The following MCTP1 variants were observed in gnomAD, a reference collection of about 807,000 sequenced individuals.
MCTP1 encodes the protein multiple C2 and transmembrane domain containing 1.
In MCTP1, 69 loss-of-function variants were observed where a neutral mutation model predicts 120.6. The observed-to-expected ratio is 0.57, with a 90% confidence interval of 0.47 to 0.70. The LOEUF (loss-of-function observed/expected upper bound fraction) is 0.70. MCTP1 is among the 30% of genes least tolerant of loss of function. The pLI, the probability that MCTP1 is intolerant of heterozygous loss-of-function variation, is 0.00. For synonymous variants in MCTP1, 529 were observed against 493.1 expected (o/e 1.07, Z -0.96); for missense variants, 1,203 against 1,248.8 (o/e 0.96, Z 0.55).
Position 95,091,517 on chromosome 5 carries a change from T to TGGAACACACACACAGTGGA in MCTP1, c.721-74034_721-74033insTCCACTGTGTGTGTGTTCC, listed in dbSNP as rs535482619. Among the ~76,000 whole-genome samples, 33 of 152,290 alleles carry TGGAACACACACACAGTGGA rather than the reference T, an allele frequency of 2.2e-4. No homozygotes were observed. The South Asian group carries it at 6.8e-3, about 32-fold the overall frequency. ...GCTAGAACATAAAAGGTTGTGCAGC[T>TGGAACACACACACAGTGGA]ACCCCCTTGCTCAGTGGAACAGTCT... On this transcript the variant is annotated intron_variant, in intron 1 of 22. Transcript: ENST00000515393.
intron 1 of MCTP1, among the ~76,000 whole-genome samples, chr5:95,276,954 AAAAC>A (rs375143230): frequency 1.2e-4 from 19 of 152,044 alleles, no homozygotes; most frequent in African/African-American, 3.6e-4. Context: ...TCGGTCTCAA[AAAAC>A]AAACAAACAA....
intron 3 of MCTP1, among the ~76,000 whole-genome samples, chr5:94,948,906 A>G (rs1020881335): frequency 6.6e-6 from 1 of 152,170 alleles, no homozygotes; most frequent in African/African-American, 2.4e-5. Context: ...AATTTTGGAC[A>G]GGACAGTAAT....
chr5:95,210,545 T>C (rs201239291), intron 1 of MCTP1, among the ~76,000 whole-genome samples: 20,476 of 146,396 alleles, frequency 0.14, 1,296 homozygotes, highest in Middle Eastern at 0.19. Context: ...TCCTCCATCC[T>C]TTTATTTTGA....
In MCTP1 at chr5:94,931,958, T is replaced by G. The variant is rs1814791282; in HGVS notation, c.1207A>C (p.Ser403Arg). 6.2e-7 allele frequency: 1 copy of G among 1,603,672 alleles called. No individual in the cohort carries two copies. The highest frequency in any genetic ancestry group is 1.8e-4 in the Middle Eastern group (1 of 5,532). ...MLMRKSWKRS[S>R]KELSENEVVG... ...GATCACAAGCTAAGAATTACCTTAC[T>G]TGATCTTTTCCAACTCTTCCTCATT... The change falls in exon 6 of 23, where the codon AGT becomes CGT. Residue 403 changes from serine (S) to arginine (R), a missense_variant. Physicochemically the swap from Ser to Arg is moderately radical, Grantham distance 110. Coordinates refer to ENST00000515393, the MANE Select transcript of MCTP1 (RefSeq NM_024717.7).
intron 1 of MCTP1, among the ~76,000 whole-genome samples, chr5:95,059,604 A>G (rs1481206868): frequency 6.6e-6 from 1 of 152,024 alleles, no homozygotes; most frequent in African/African-American, 2.4e-5. Flanking sequence ...GGTCAAATAC[A>G]AAAAAAAGAC....
chr5:94,871,304 A>C lies in MCTP1; in HGVS notation c.2139+11T>G. 2.0e-6 allele frequency: 3 copies of C among 1,531,938 alleles called. No homozygotes were observed. Among genetic ancestry groups the C allele is most frequent in the Non-Finnish European group, 1.8e-6 (2 of 1,105,502 alleles). The allele number at this position is 1,531,938 out of a possible 1,614,324, so 94.9% of individuals were successfully genotyped here. On this transcript the variant is annotated intron_variant, in intron 14 of 22. Coordinates refer to ENST00000515393, the MANE Select transcript of MCTP1 (RefSeq NM_024717.7). ...CAACACAGAACAGTGTGTCAGGTGAATAAAACTTACAGACAGCAATGGTAT... is the reference window on the plus strand; with the variant it reads ...CAACACAGAACAGTGTGTCAGGTGACTAAAACTTACAGACAGCAATGGTAT...
At chr5:95,067,941 C>G (rs974652500) in intron 1 of MCTP1, among the ~76,000 whole-genome samples, 6 of 152,160 alleles carry the variant, frequency 3.9e-5, no homozygotes, top group Non-Finnish European at 8.8e-5. Flanking sequence ...GACCCTTTCC[C>G]CATCCCTCTG....
rs148060055 is a variant in MCTP1 at position 94,931,791 on chromosome 5, A to G, written c.1212+162T>C. 190 of 642,282 alleles carry G rather than the reference A, an allele frequency of 3.0e-4. No individual in the cohort carries two copies. In the African/African-American group the frequency reaches 3.2e-3, roughly 11 times the overall value. 39.8% of individuals were successfully genotyped at this position (642,282 alleles called of 1,614,324 possible). On this transcript the variant is annotated intron_variant, in intron 6 of 22. Transcript: ENST00000515393. Reference sequence around the variant, plus strand: ...GAAGCTATTGATCGGTGTGATTTCTATTTAAAAAACATCACATGGTTGGCT... The same window carrying G: ...GAAGCTATTGATCGGTGTGATTTCTGTTTAAAAAACATCACATGGTTGGCT...
At chr5:94,807,738 G>A (rs1782656461) in intron 17 of MCTP1, among the ~76,000 whole-genome samples, 1 of 152,080 alleles carries the variant, frequency 6.6e-6, no homozygotes, top group Non-Finnish European at 1.5e-5. Flanking sequence ...TTTGGCGGGT[G>A]AAGCCAAAGT....
intron 7 of MCTP1, among the ~76,000 whole-genome samples, chr5:94,919,836 C>T (rs770064126): frequency 1.3e-5 from 2 of 152,214 alleles, no homozygotes; most frequent in Non-Finnish European, 2.9e-5. Context: ...CTGCCATCCA[C>T]CCATCCTCTC....
chr5:94,872,991 A>C (rs1798104774), intron 13 of MCTP1, 148 bp downstream of exon 13: 1 of 612,496 alleles, frequency 1.6e-6, no homozygotes, highest in Admixed American at 3.3e-5. Context: ...AGGTAGGAGG[A>C]AAATTCATTG....
rs533773992 is a variant in MCTP1 at position 95,278,737 on chromosome 5, C to T, written c.720+5119G>A. Among the ~76,000 whole-genome samples, 7 of 151,752 alleles carry T rather than the reference C, an allele frequency of 4.6e-5. No individual in the cohort carries two copies. In the East Asian group the frequency reaches 9.7e-4, roughly 21 times the overall value. On this transcript the variant is annotated intron_variant, in intron 1 of 22. Coordinates refer to ENST00000515393, the MANE Select transcript of MCTP1 (RefSeq NM_024717.7). ...CAACACCTTGGGAGGCCGAGGTGAG[C>T]GGATCACCTGAGGTCGGGAGTTCGA...
At chr5:95,027,403 T>C (rs1388643732) in intron 1 of MCTP1, among the ~76,000 whole-genome samples, 48 of 152,166 alleles carry the variant, frequency 3.2e-4, no homozygotes, top group Admixed American at 3.1e-3. Context: ...AGAGCATTAG[T>C]AGGCAAAGAT....
At chr5:95,277,579 T>C (rs1214122993) in intron 1 of MCTP1, among the ~76,000 whole-genome samples, 1 of 152,234 alleles carries the variant, frequency 6.6e-6, no homozygotes, top group African/African-American at 2.4e-5. Context: ...CCCTGAACTG[T>C]TTTACAATGC....
chr5:95,052,625 C>T (rs1033199204), intron 1 of MCTP1, among the ~76,000 whole-genome samples: 2 of 152,114 alleles, frequency 1.3e-5, no homozygotes, highest in African/African-American at 2.4e-5. Context: ...GAGCCCCATG[C>T]CTCTGATTGC....
intron 12 of MCTP1, among the ~76,000 whole-genome samples, chr5:94,877,443 CTT>C (rs1799138871): frequency 6.6e-6 from 1 of 151,980 alleles, no homozygotes; most frequent in Non-Finnish European, 1.5e-5. Context: ...TTGAGAGACT[CTT>C]TTACCCTAAC....
chr5:94,810,487 C>G, intron 17 of MCTP1, among the ~76,000 whole-genome samples: 1 of 152,170 alleles, frequency 6.6e-6, no homozygotes, highest in Non-Finnish European at 1.5e-5. Flanking sequence ...TCCCTCTGTT[C>G]TCTATACTGT....
chr5:95,091,396 G>A (rs1755832021), intron 1 of MCTP1, among the ~76,000 whole-genome samples: 1 of 152,148 alleles, frequency 6.6e-6, no homozygotes, highest in African/African-American at 2.4e-5. Context: ...CTCAAGAGGT[G>A]GGATCTATGT....
intron 19 of MCTP1, among the ~76,000 whole-genome samples, chr5:94,774,207 CAAAAAAAAAAA>C (rs70978130): frequency 1.2e-3 from 5 of 4,176 alleles, no homozygotes; most frequent in African/African-American, 2.6e-3. Context: ...GACTCCGTCT[CAAAAAAAAAAA>C]AAAAAAAAAA....
Sources: allele counts gnomAD v4.1 joint callset (sites outside exome capture counted in the v4.1 genomes callset), GRCh38; gene constraint gnomAD v4.1.1; transcripts MANE v1.5; gene names NCBI Gene and HGNC (gene_info 2026-07-23, HGNC 2026-07-21).